ADAMTS9: variants seen among roughly 807,000 people sequenced by gnomAD.
ADAMTS9 encodes A disintegrin and metalloproteinase with thrombospondin motifs 9.
In ADAMTS9, 107 loss-of-function variants were observed where a neutral mutation model predicts 257.1. The ratio of observed to expected loss-of-function variants is 0.42; its 90% CI spans 0.36 to 0.49. The LOEUF (loss-of-function observed/expected upper bound fraction) is 0.49. Ranked by LOEUF, ADAMTS9 falls within the 20% of genes least tolerant of loss-of-function variation. ADAMTS9 has a pLI of 0.03. For missense variants in ADAMTS9, 2,353 were observed against 2,469.1 expected, an observed-to-expected ratio of 0.95 and a Z score of 1.00; for synonymous variants, 982 against 880.9, an observed-to-expected ratio of 1.11 and a Z score of -2.03.
chr3:64,651,084 G>A lies in ADAMTS9; in HGVS notation c.1396C>T (p.Leu466=). 6.2e-7 allele frequency: 1 copy of A among 1,607,856 alleles called. No individual in the cohort carries two copies. The change falls in exon 9 of 40, where the codon CTG becomes TTG. Residue 466 remains leucine (L), a synonymous_variant. Transcript: ENST00000498707. ...KSPQHVMAPT[L]NFYTNPWMWS... ...ATCCAGGGGTTGGTGTAGAAGTTCAGTGTTGGAGCCATGACATGCTGGGGA... is the reference window on the plus strand; with the variant it reads ...ATCCAGGGGTTGGTGTAGAAGTTCAATGTTGGAGCCATGACATGCTGGGGA...
chr3:64,635,238 G>A (rs920694877), intron 12 of ADAMTS9, among the ~76,000 whole-genome samples: 11 of 152,116 alleles, frequency 7.2e-5, no homozygotes, highest in Non-Finnish European at 1.5e-4. Flanking sequence ...GTACTTGCTC[G>A]ATCAAAGATT....
chr3:64,520,763 A>T (rs989241910), intron 39 of ADAMTS9, among the ~76,000 whole-genome samples: 1 of 152,144 alleles, frequency 6.6e-6, no homozygotes, highest in African/African-American at 2.4e-5. Flanking sequence ...AATGAAATTG[A>T]ACTCTTACCT....
chr3:64,562,709 A>G (rs530098546), intron 29 of ADAMTS9, among the ~76,000 whole-genome samples: 6 of 152,348 alleles, frequency 3.9e-5, no homozygotes, highest in South Asian at 2.1e-4. Context: ...TAAGCTTAAC[A>G]TACATTAAAG....
At chr3:64,646,089 G>T (rs910010151) in intron 11 of ADAMTS9, among the ~76,000 whole-genome samples, 1 of 152,056 alleles carries the variant, frequency 6.6e-6, no homozygotes, top group African/African-American at 2.4e-5. Flanking sequence ...TGTTTCTTTT[G>T]CAGCAATAAC....
At chr3:64,582,942 G>A (rs1312632205) in intron 28 of ADAMTS9, 2 of 152,154 alleles carry the variant, frequency 1.3e-5, no homozygotes, top group Non-Finnish European at 2.9e-5. Flanking sequence ...CCAATCCCTA[G>A]ATACTGCTGA....
At position 64,602,124 on chromosome 3, in the gene ADAMTS9, G is replaced by C. The variant is rs777491406; in HGVS notation, c.3837C>G (p.Asp1279Glu). 2 of 1,614,090 alleles carry C rather than the reference G, an allele frequency of 1.2e-6. No homozygotes were observed. Among genetic ancestry groups the C allele is most frequent in the African/African-American group, 2.7e-5 (2 of 75,030 alleles). The stretch of plus-strand genomic sequence containing the variant: ...GGTCAGTTTCTGGGATATAATCCTG[G>C]TCACACTCACTCCGATCGATCACGT... ...SDHVIDRSEC[D>E]QDYIPETDQD... is the part of the protein sequence containing the mutation. The change falls in exon 26 of 40, where the codon GAC becomes GAG. Residue 1279 changes from aspartate to glutamate, a missense_variant. Asp to Glu is a conservative substitution (Grantham distance 45). Transcript: ENST00000498707.
In ADAMTS9 at chr3:64,686,391, T is replaced by C. The variant is rs1180882586; in HGVS notation, c.516+177A>G. On this transcript the variant is annotated intron_variant, in intron 2 of 39. Transcript: ENST00000498707. The surrounding 1 kb of genome is among the most constrained non-coding windows in gnomAD (Gnocchi z 4.6). ...GGCGGGTGTGTGCGCTCCACGCCAG[T>C]GTACTCGCACGCACAGAGCTAGCTA... is the stretch of plus-strand genomic sequence containing the variant. 6.6e-6 allele frequency among the ~76,000 whole-genome samples: 1 copy of C among 152,244 alleles called. No homozygotes were observed. Among genetic ancestry groups the C allele is most frequent in the Admixed American group, 6.5e-5 (1 of 15,282 alleles).
At position 64,649,725 on chromosome 3, in the gene ADAMTS9, A is replaced by G. The variant is rs1454628466; in HGVS notation, c.1517T>C (p.Leu506Ser). The change falls in exon 10 of 40, where the codon TTG becomes TCG. Residue 506 changes from leucine (L) to serine (S), a missense_variant. Coordinates refer to ENST00000498707, the MANE Select transcript of ADAMTS9 (RefSeq NM_182920.2). Reference protein sequence around the residue: ...LNEPESRPYPLPVQLPGILYN... With the variant: ...LNEPESRPYPSPVQLPGILYN... ...AAGGATGCCTGGCAGTTGGACAGGCAAAGGGTAGGGTCTGGATTCAGGTTC... is the reference window on the plus strand; with the variant it reads ...AAGGATGCCTGGCAGTTGGACAGGCGAAGGGTAGGGTCTGGATTCAGGTTC... 42 of 1,613,958 alleles carry G rather than the reference A, an allele frequency of 2.6e-5. No homozygotes were observed. The highest frequency in any genetic ancestry group is 3.5e-5 in the Non-Finnish European group (41 of 1,179,998).
At chr3:64,640,593 G>A (rs1294902206) in intron 12 of ADAMTS9, among the ~76,000 whole-genome samples, 2 of 152,072 alleles carry the variant, frequency 1.3e-5, no homozygotes, top group Admixed American at 6.5e-5. Flanking sequence ...AAGCAGCTGG[G>A]GTCTTAAAAA....
At chr3:64,544,100 C>T (rs1425979384) in intron 32 of ADAMTS9, among the ~76,000 whole-genome samples, 1 of 151,812 alleles carries the variant, frequency 6.6e-6, no homozygotes, top group Non-Finnish European at 1.5e-5. Context: ...AACCACTGCT[C>T]AACGAAATAA....
At chr3:64,596,336 A>G (rs1206764448) in intron 27 of ADAMTS9, among the ~76,000 whole-genome samples, 1 of 152,218 alleles carries the variant, frequency 6.6e-6, no homozygotes, top group African/African-American at 2.4e-5. Context: ...TCCATATTTG[A>G]GAAAACACAG....
intron 12 of ADAMTS9, among the ~76,000 whole-genome samples, chr3:64,637,246 T>C (rs954846694): frequency 6.6e-6 from 1 of 152,154 alleles, no homozygotes; most frequent in Non-Finnish European, 1.5e-5. Context: ...TGGAAAAAAA[T>C]CATTTTATAA....
intron 9 of ADAMTS9, chr3:64,650,701 G>T: frequency 8.0e-6 from 2 of 250,858 alleles, no homozygotes; most frequent in East Asian, 1.2e-4. Context: ...CCTTCATTAA[G>T]AAATCACATT....
At chr3:64,589,305 A>C (rs1576087521) in intron 28 of ADAMTS9, 1 of 152,322 alleles carries the variant, frequency 6.6e-6, no homozygotes, top group East Asian at 1.9e-4. Flanking sequence ...TAGCTAAATA[A>C]TGTTGAGGCT....
chr3:64,560,983 C>T (rs2083411413), intron 30 of ADAMTS9, among the ~76,000 whole-genome samples: 1 of 152,010 alleles, frequency 6.6e-6, no homozygotes, highest in Non-Finnish European at 1.5e-5. Flanking sequence ...CTTAACCAAA[C>T]ATTAACTTGA....
chr3:64,545,149 C>T (rs2083180091), intron 32 of ADAMTS9, among the ~76,000 whole-genome samples: 1 of 152,176 alleles, frequency 6.6e-6, no homozygotes, highest in Non-Finnish European at 1.5e-5. Flanking sequence ...AGCGCTTTTC[C>T]ACTGTTGGTG....
chr3:64,520,781 T>C lies in ADAMTS9; in HGVS notation c.*5+1385A>G, dbSNP rs982461843. Among the ~76,000 whole-genome samples, 14 of 152,218 alleles carry C rather than the reference T, an allele frequency of 9.2e-5. 1 individual carries two copies. The South Asian group carries it at 2.9e-3, about 32-fold the overall frequency. ...GAAATTGAACTCTTACCTCTTACCA[T>C]ATACAAAAAATAACTCAGGATACAT... is the stretch of plus-strand genomic sequence containing the variant. On this transcript the variant is annotated intron_variant, in intron 39 of 39. Transcript: ENST00000498707.
At chr3:64,593,246 T>G (rs2084295241) in intron 28 of ADAMTS9, among the ~76,000 whole-genome samples, 1 of 152,192 alleles carries the variant, frequency 6.6e-6, no homozygotes, top group Admixed American at 6.5e-5. Context: ...CCCCAGCCAT[T>G]GAAACCCTTG....
Position 64,615,330 on chromosome 3 carries a change from G to C in ADAMTS9, c.3180C>G (p.Asp1060Glu), listed in dbSNP as rs768093117. The C allele has an allele frequency of 2.5e-6, 4 of 1,613,690 alleles. No individual in the cohort carries two copies. Among genetic ancestry groups the C allele is most frequent in the Non-Finnish European group, 3.4e-6 (4 of 1,179,750 alleles). ...AGCCCTCCCATCTTACCTCTGACCA[G>C]TCTCCAGATTTCCACTGTGGACAAG... ...EFPCPQWKSGDWSECLVTCGK... is the reference protein window; with the variant it reads ...EFPCPQWKSGEWSECLVTCGK... Residue 1060 changes from aspartate to glutamate, a missense_variant, in exon 21 of 40, where the codon GAC becomes GAG. Transcript: ENST00000498707.
Sources: gnomAD v4.1 joint callset for allele counts (sites outside exome capture counted in the v4.1 genomes callset) on GRCh38, gnomAD v4.1.1 for gene constraint, Gnocchi (gnomAD v3.1) non-coding constraint, MANE v1.5 for transcripts, NCBI Gene and HGNC (gene_info 2026-07-23, HGNC 2026-07-21) for gene names.